RASGRF1: variants seen among roughly 807,000 people sequenced by gnomAD.
RASGRF1 encodes the protein ras-specific guanine nucleotide-releasing factor 1.
Under a neutral mutation model 138.7 loss-of-function variants are expected in RASGRF1, and 40 were observed. The observed-to-expected ratio is 0.29, with a 90% CI of 0.22 to 0.38. RASGRF1 has a LOEUF of 0.38. RASGRF1 is among the 10% of genes least tolerant of loss of function. The pLI is 1.00. For synonymous variants in RASGRF1, 614 were observed against 663.2 expected (o/e 0.93, Z 1.14); for missense variants, 1,108 against 1,650.4 (o/e 0.67, Z 5.69).
At chr15:78,989,093 G>A (rs2056218781) in intron 22 of RASGRF1, among the ~76,000 whole-genome samples, 1 of 152,188 alleles carries the variant, frequency 6.6e-6, no homozygotes, top group African/African-American at 2.4e-5. Context: ...TCTTATTAAA[G>A]AACATTGCAA....
intron 9 of RASGRF1, among the ~76,000 whole-genome samples, chr15:79,026,597 A>G (rs2057058769): frequency 6.6e-6 from 1 of 152,170 alleles, no homozygotes; most frequent in Non-Finnish European, 1.5e-5. Flanking sequence ...ATGACTGACA[A>G]GTGAGAAACG....
At chr15:79,030,627 A>G (rs538208778) in intron 8 of RASGRF1, among the ~76,000 whole-genome samples, 2 of 152,144 alleles carry the variant, frequency 1.3e-5, no homozygotes, top group Non-Finnish European at 2.9e-5. Flanking sequence ...TCCCTCCTGC[A>G]GTTTTCTCCA....
At chr15:79,077,258 ATTAT>A (rs1170719108) in intron 1 of RASGRF1, among the ~76,000 whole-genome samples, 2 of 152,026 alleles carry the variant, frequency 1.3e-5, no homozygotes, top group Non-Finnish European at 2.9e-5. Context: ...GTTCAAATTT[ATTAT>A]TTATTATTTG....
At chr15:78,963,922 A>G (rs2055594444) in intron 26 of RASGRF1, among the ~76,000 whole-genome samples, 1 of 152,170 alleles carries the variant, frequency 6.6e-6, no homozygotes, top group South Asian at 2.1e-4. Context: ...TCTAGAATGC[A>G]TGAATCTCTA....
At chr15:78,983,325 C>A (rs999681109) in intron 23 of RASGRF1, among the ~76,000 whole-genome samples, 2 of 152,114 alleles carry the variant, frequency 1.3e-5, no homozygotes, top group Non-Finnish European at 2.9e-5. Context: ...TTGGACCAGG[C>A]CAGCTGACCC....
chr15:78,981,007 T>G, intron 23 of RASGRF1: 1 of 253,294 alleles, frequency 3.9e-6, no homozygotes, highest in Non-Finnish European at 7.5e-6. Context: ...TTAGAAGGAC[T>G]TAGTGGGTGA....
chr15:79,089,951 G>C (rs898074016), intron 1 of RASGRF1, among the ~76,000 whole-genome samples: 1 of 152,134 alleles, frequency 6.6e-6, no homozygotes, highest in Non-Finnish European at 1.5e-5. Context: ...TCCAGGTGTC[G>C]GCCCCTCTGT....
intron 1 of RASGRF1, among the ~76,000 whole-genome samples, chr15:79,074,367 G>A (rs138838238): frequency 2.0e-3 from 299 of 152,332 alleles, no homozygotes; most frequent in African/African-American, 7.0e-3. Context: ...GGTGAGGATA[G>A]GCAGTTGATG....
intron 2 of RASGRF1, among the ~76,000 whole-genome samples, chr15:79,060,533 A>G (rs115760301): frequency 6.4e-4 from 98 of 152,286 alleles, no homozygotes; most frequent in African/African-American, 2.0e-3. Flanking sequence ...GGGAGCCAGG[A>G]TCTGGGACTC....
rs1323660330 is a variant in RASGRF1 at position 79,006,520 on chromosome 15, C to T, written c.1827-86G>A. On this transcript the variant is annotated intron_variant, in intron 13 of 26. Coordinates refer to ENST00000558480, the MANE Select transcript of RASGRF1 (RefSeq NM_001145648.3). This position sits in a 1 kb window ranked among gnomAD's most constrained non-coding sequence, Gnocchi z 4.0. ...CCAGGCCTGCTCATCACTGCTTCCC[C>T]CACACACTGACAACACAGGATGGTC... is the stretch of plus-strand genomic sequence containing the variant. 1.4e-6 allele frequency: 2 copies of T among 1,467,070 alleles called. No individual in the cohort carries two copies. The highest frequency in any genetic ancestry group is 1.8e-6 in the Non-Finnish European group (2 of 1,083,004). 90.9% of individuals were successfully genotyped at this position (1,467,070 alleles called of 1,614,324 possible).
intron 7 of RASGRF1, among the ~76,000 whole-genome samples, chr15:79,031,801 T>C (rs2057142877): frequency 6.6e-6 from 1 of 151,794 alleles, no homozygotes; most frequent in South Asian, 2.1e-4. Context: ...AGGACTTCCA[T>C]GAGCAGAACT....
chr15:78,988,910 C>T (rs891660042), intron 22 of RASGRF1, among the ~76,000 whole-genome samples: 1 of 148,678 alleles, frequency 6.7e-6, no homozygotes, highest in Non-Finnish European at 1.5e-5. Flanking sequence ...AGCTACCACA[C>T]ACCAGTTAGG....
chr15:79,006,032 G>A lies in RASGRF1; in HGVS notation c.2075+154C>T. ...AGGGAGGCTTGGTTCCTGGGGAGAG[G>A]GGGCAGTGGCGGTGTGTGTCCCGCA... On this transcript the variant is annotated intron_variant, in intron 14 of 26. Transcript: ENST00000558480. This position sits in a 1 kb window ranked among gnomAD's most constrained non-coding sequence, Gnocchi z 4.0. The A allele has an allele frequency of 8.9e-7, 1 of 1,127,420 alleles. No individual in the cohort carries two copies. The highest frequency in any genetic ancestry group is 1.6e-5 in the South Asian group (1 of 64,312). 69.8% of individuals were successfully genotyped at this position (1,127,420 alleles called of 1,614,324 possible). A position where few individuals can be genotyped will look rare whatever the true frequency, so the allele number is the denominator to read the frequency against.
chr15:79,052,532 G>A (rs187242597), intron 3 of RASGRF1, among the ~76,000 whole-genome samples: 34 of 152,254 alleles, frequency 2.2e-4, no homozygotes, highest in African/African-American at 7.9e-4. Flanking sequence ...CATGCCAAGT[G>A]CCCCTTCCTT....
chr15:79,037,298 T>G (rs2057235558), intron 5 of RASGRF1, among the ~76,000 whole-genome samples: 1 of 152,008 alleles, frequency 6.6e-6, no homozygotes, highest in Non-Finnish European at 1.5e-5. Context: ...GGAGCCATAT[T>G]TGGCAGCCAT....
intron 6 of RASGRF1, among the ~76,000 whole-genome samples, chr15:79,033,681 C>T (rs1296602857): frequency 1.4e-5 from 2 of 140,044 alleles, no homozygotes; most frequent in South Asian, 2.3e-4. Flanking sequence ...CTTCTGCTTC[C>T]TGGGTTCAAG....
chr15:79,006,173 G>A lies in RASGRF1; in HGVS notation c.2075+13C>T. 6.2e-7 allele frequency: 1 copy of A among 1,613,882 alleles called. No individual in the cohort carries two copies. Among genetic ancestry groups the A allele is most frequent in the South Asian group, 1.1e-5 (1 of 91,074 alleles). ...GCTCTCCGGGCATGGGAGGAGGAGGGCACCTCAGCCACCTGGCAGGAATGG... is the reference window on the plus strand; with the variant it reads ...GCTCTCCGGGCATGGGAGGAGGAGGACACCTCAGCCACCTGGCAGGAATGG... On this transcript the variant is annotated intron_variant, in intron 14 of 26. Transcript: ENST00000558480. The surrounding 1 kb of genome is among the most constrained non-coding windows in gnomAD (Gnocchi z 4.0).
intron 11 of RASGRF1, 109 bp downstream of exon 11, chr15:79,019,932 G>T: frequency 7.3e-7 from 1 of 1,370,774 alleles, no homozygotes; most frequent in Non-Finnish European, 1.0e-6. Context: ...CCGCACTTCA[G>T]CATCCTCCAT....
intron 12 of RASGRF1, among the ~76,000 whole-genome samples, chr15:79,016,891 C>T (rs889910461): frequency 1.2e-4 from 18 of 152,174 alleles, no homozygotes; most frequent in African/African-American, 4.3e-4. Context: ...AGGCACAGGC[C>T]TCCTGCAACC....
Sources: gnomAD v4.1 joint callset for allele counts (sites outside exome capture counted in the v4.1 genomes callset) on GRCh38, gnomAD v4.1.1 for gene constraint, Gnocchi (gnomAD v3.1) non-coding constraint, MANE v1.5 for transcripts, NCBI Gene and HGNC (gene_info 2026-07-23, HGNC 2026-07-21) for gene names.